The following CASC3 variants were observed in gnomAD, a reference collection of about 807,000 sequenced individuals.
CASC3 encodes the protein CASC3 exon junction complex subunit.
Under a neutral mutation model 80.5 loss-of-function variants are expected in CASC3, and 30 were observed. The observed-to-expected ratio is 0.37, with a 90% confidence interval of 0.28 to 0.51. The LOEUF (loss-of-function observed/expected upper bound fraction) is 0.51. Ranked by LOEUF, CASC3 falls within the 20% of genes least tolerant of loss-of-function variation. The pLI, the probability that CASC3 is intolerant of heterozygous loss-of-function variation, is 0.94. For synonymous variants in CASC3, 312 were observed against 333.6 expected (o/e 0.94, Z 0.70); for missense variants, 824 against 922.2 (o/e 0.89, Z 1.38).
At chr17:40,156,514 G>A (rs986869411) in intron 3 of CASC3, among the ~76,000 whole-genome samples, 1 of 151,836 alleles carries the variant, frequency 6.6e-6, no homozygotes, top group Non-Finnish European at 1.5e-5. Flanking sequence ...ATGAAACCCC[G>A]TCTCTACTGA....
chr17:40,157,302 A>G lies in CASC3; in HGVS notation c.298-4451A>G, dbSNP rs1989172047. Among the ~76,000 whole-genome samples, 4 of 151,690 alleles carry G rather than the reference A, an allele frequency of 2.6e-5. No homozygotes were observed. The South Asian group carries it at 8.3e-4, about 32-fold the overall frequency. Reference sequence around the variant, plus strand: ...AGAGTTTGCAGTGAGCTGAGATTGCACCACTACATTCCAGCCTGGACAACA... The same window carrying G: ...AGAGTTTGCAGTGAGCTGAGATTGCGCCACTACATTCCAGCCTGGACAACA... On this transcript the variant is annotated intron_variant, in intron 3 of 13. Transcript: ENST00000264645.
chr17:40,169,137 C>A, intron 11 of CASC3, 187 bp from the exon 12 acceptor site: 1 of 593,702 alleles, frequency 1.7e-6, no homozygotes, highest in Non-Finnish European at 2.8e-6. Context: ...GAAATAAAAA[C>A]CAGAGCATAA....
In CASC3 at chr17:40,161,889, A is replaced by T. The variant is rs1243534051; in HGVS notation, c.434A>T (p.Glu145Val). 3 of 1,614,178 alleles carry T rather than the reference A, an allele frequency of 1.9e-6. No individual in the cohort carries two copies. The highest frequency in any genetic ancestry group is 2.5e-6 in the Non-Finnish European group (3 of 1,180,044). ...GACACCAAAAGCACTGTGACTGGAG[A>T]GAGGCAAAGTGGGGACGGACAGGTT... ...KPDTKSTVTGERQSGDGQEST... is the reference protein window; with the variant it reads ...KPDTKSTVTGVRQSGDGQEST... Residue 145 changes from glutamate to valine, a missense_variant, in exon 4 of 14, where the codon GAG becomes GTG. Transcript: ENST00000264645.
intron 3 of CASC3, among the ~76,000 whole-genome samples, chr17:40,158,285 A>T (rs990251528): frequency 1.3e-5 from 2 of 152,146 alleles, no homozygotes; most frequent in African/African-American, 4.8e-5. Flanking sequence ...TGACCAGATT[A>T]TTGGGGCCAG....
rs749923137 is a variant in CASC3, at chr17:40,162,787, G to A, written c.671G>A (p.Arg224Gln). 8 of 1,614,056 alleles carry A rather than the reference G, an allele frequency of 5.0e-6. No homozygotes were observed. The highest frequency in any genetic ancestry group is 1.7e-5 in the Admixed American group (1 of 59,994). The change falls in exon 6 of 14, where the codon CGG becomes CAG. Residue 224 changes from arginine (R) to glutamine (Q), a missense_variant. Around this residue, in one of 3 missense-constraint regions of CASC3, gnomAD observed 201 missense variants for 294.1 expected, o/e 0.68. Coordinates refer to ENST00000264645, the MANE Select transcript of CASC3 (RefSeq NM_007359.5). ...DEGRWEHDKFREDEQAPKSRQ... is the reference protein window; with the variant it reads ...DEGRWEHDKFQEDEQAPKSRQ... Reference sequence around the variant, plus strand: ...GGTCGCTGGGAGCATGACAAGTTCCGGGAAGATGAGCAGGCCCCAAAGTCC... The same window carrying A: ...GGTCGCTGGGAGCATGACAAGTTCCAGGAAGATGAGCAGGCCCCAAAGTCC...
intron 3 of CASC3, among the ~76,000 whole-genome samples, chr17:40,146,690 G>A (rs1394542390): frequency 3.3e-5 from 5 of 150,852 alleles, no homozygotes; most frequent in Non-Finnish European, 3.0e-5. Context: ...CGCCTGCCTC[G>A]GCCTCCCAAA....
intron 3 of CASC3, among the ~76,000 whole-genome samples, chr17:40,144,277 A>G (rs1313038418): frequency 6.6e-6 from 1 of 151,940 alleles, no homozygotes; most frequent in Non-Finnish European, 1.5e-5. Flanking sequence ...AAAAACAAAA[A>G]CAAAACTCAT....
intron 7 of CASC3, among the ~76,000 whole-genome samples, chr17:40,164,609 G>C (rs1046527627): frequency 6.6e-6 from 1 of 151,842 alleles, no homozygotes; most frequent in East Asian, 1.9e-4. Flanking sequence ...ACCACGCTGG[G>C]CTAATTTTTG....
intron 3 of CASC3, among the ~76,000 whole-genome samples, chr17:40,161,424 T>A (rs1989294470): frequency 6.6e-6 from 1 of 152,214 alleles, no homozygotes; most frequent in Non-Finnish European, 1.5e-5. Flanking sequence ...CTCACGCCTA[T>A]AAACCCAGCA....
intron 3 of CASC3, among the ~76,000 whole-genome samples, chr17:40,157,514 A>T (rs1405913397): frequency 6.6e-6 from 1 of 151,920 alleles, no homozygotes; most frequent in Non-Finnish European, 1.5e-5. Context: ...TATCTCTACT[A>T]AAAGTACGAA....
chr17:40,168,559 T>C, intron 11 of CASC3, 142 bp downstream of exon 11: 1 of 721,150 alleles, frequency 1.4e-6, no homozygotes, highest in Non-Finnish European at 2.3e-6. Context: ...CGCCTCTTAG[T>C]GGTCAGGAGC....
chr17:40,145,131 G>C (rs1329286004), intron 3 of CASC3, among the ~76,000 whole-genome samples: 2 of 151,674 alleles, frequency 1.3e-5, no homozygotes, highest in South Asian at 2.1e-4. Flanking sequence ...AAGGTGCTGG[G>C]ATTACAGGCA....
At chr17:40,164,199 C>CAA (rs1219078234) in intron 7 of CASC3, 33 bp downstream of exon 7, 1 of 1,524,934 alleles carries the variant, frequency 6.6e-7, no homozygotes, top group Non-Finnish European at 8.8e-7. Context: ...CTAGCTTTTT[C>CAA]CCCTTTGCAT....
chr17:40,162,479 A>G lies in CASC3; in HGVS notation c.609-246A>G, dbSNP rs1989326401. ...AGGAGAAAGGAGATGTTTCAAAGGT[A>G]CTGAATGGCATGAAATGAAGTCTTT... On this transcript the variant is annotated intron_variant, in intron 5 of 13. Coordinates refer to ENST00000264645, the MANE Select transcript of CASC3 (RefSeq NM_007359.5). Among the ~76,000 whole-genome samples, 3 of 152,172 alleles carry G rather than the reference A, an allele frequency of 2.0e-5. No homozygotes were observed. The South Asian group carries it at 6.2e-4, about 32-fold the overall frequency.
intron 3 of CASC3, among the ~76,000 whole-genome samples, chr17:40,161,104 C>A (rs1013076511): frequency 6.6e-6 from 1 of 151,850 alleles, no homozygotes; most frequent in African/African-American, 2.4e-5. Flanking sequence ...CTCAGCCTCC[C>A]GAGCAGCTGG....
In CASC3 at chr17:40,164,056, C is replaced by G. The variant is rs367862787; in HGVS notation, c.1361C>G (p.Pro454Arg). Residue 454 changes from proline to arginine, a missense_variant, in exon 7 of 14, where the codon CCG (proline) becomes CGG (arginine). By Grantham distance (103) the Pro-to-Arg change is moderately radical (BLOSUM62 -2). Around this residue, in one of 3 missense-constraint regions of CASC3, gnomAD observed 464 missense variants for 506.0 expected, o/e 0.92. Transcript: ENST00000264645. ...PPTKTGTWEA[P>R]VDSSTSGLEQ... ...ACTAAGACTGGGACCTGGGAAGCTC[C>G]GGTGGATTCTAGTACAAGTGGACTT... The G allele has an allele frequency of 1.1e-5, 17 of 1,613,868 alleles. No homozygotes were observed. In the South Asian group the frequency reaches 1.5e-4, roughly 15 times the overall value.
At chr17:40,141,421 T>A in intron 2 of CASC3, 149 bp from the exon 3 acceptor site, 1 of 837,102 alleles carries the variant, frequency 1.2e-6, no homozygotes, top group Non-Finnish European at 2.0e-6. Context: ...CCTCTGAGCC[T>A]GTTTCTCCTT....
At chr17:40,150,101 AC>A (rs889227811) in intron 3 of CASC3, among the ~76,000 whole-genome samples, 4 of 150,790 alleles carry the variant, frequency 2.7e-5, no homozygotes, top group African/African-American at 9.8e-5. Flanking sequence ...ATAGAGCAGG[AC>A]AGGCACGGTG....
In CASC3 at chr17:40,164,000, T is replaced by C; in HGVS notation, c.1305T>C (p.Pro435=). 6.2e-7 allele frequency: 1 copy of C among 1,613,964 alleles called. No individual in the cohort carries two copies. Among genetic ancestry groups the C allele is most frequent in the African/African-American group, 1.3e-5 (1 of 74,992 alleles). The change falls in exon 7 of 14, where the codon CCT becomes CCC. Residue 435 remains proline, a synonymous_variant. Transcript: ENST00000264645. ...CTCCTGAAGGACTGATTCCAGCACC[T>C]CCAGTCCCAGAAACCACCCCAACTC... ...PPPPEGLIPA[P]PVPETTPTPP...
Sources: gnomAD v4.1 joint callset for allele counts (sites outside exome capture counted in the v4.1 genomes callset) on GRCh38, gnomAD v4.1.1 for gene constraint, gnomAD v4.1.1 regional missense constraint, MANE v1.5 for transcripts, NCBI Gene and HGNC (gene_info 2026-07-23, HGNC 2026-07-21) for gene names.